The following MCTP2 variants were observed in gnomAD, a reference collection of about 807,000 sequenced individuals.
MCTP2 encodes the protein multiple C2 and transmembrane domain-containing protein 2.
MCTP2 carries 132 observed loss-of-function variants against 111.6 expected under a neutral mutation model. The ratio of observed to expected loss-of-function variants is 1.18; its 90% CI spans 1.03 to 1.37. The LOEUF (loss-of-function observed/expected upper bound fraction) is 1.37, where lower values mean the gene tolerates loss of function less well. Ranked by LOEUF, MCTP2 falls within the 40% of genes most tolerant of loss-of-function variation. The pLI is 0.00. For synonymous variants in MCTP2, 395 were observed against 387.7 expected, an observed-to-expected ratio of 1.02 and a Z score of -0.22; for missense variants, 1,183 against 1,067.9, an observed-to-expected ratio of 1.11 and a Z score of -1.50.
chr15:94,401,113 C>G (rs2081566542), intron 16 of MCTP2, among the ~76,000 whole-genome samples: 1 of 152,090 alleles, frequency 6.6e-6, no homozygotes, highest in Admixed American at 6.6e-5. Flanking sequence ...AAAACAAGAC[C>G]TCCACGTGGG....
intron 12 of MCTP2, among the ~76,000 whole-genome samples, chr15:94,380,767 CAAAAA>C (rs376038646): frequency 8.7e-6 from 1 of 114,886 alleles, no homozygotes; most frequent in South Asian, 3.0e-4. Context: ...GACTCCGTCT[CAAAAA>C]AAAAAAAGGG....
chr15:94,326,867 C>T (rs8038092), intron 4 of MCTP2, among the ~76,000 whole-genome samples: 36,588 of 142,318 alleles, frequency 0.26, 4,988 homozygotes, highest in Middle Eastern at 0.38. Context: ...CAGGCATTAG[C>T]CACCGTGCCT....
rs1311112731 is a variant in MCTP2, at chr15:94,372,157, T to C, written c.1582+1977T>C. Reference sequence around the variant, plus strand: ...AAGTACCAACAAATTCCAATAACGATAGCAGTAGTTAGAAATGAAATAATG... The same window carrying C: ...AAGTACCAACAAATTCCAATAACGACAGCAGTAGTTAGAAATGAAATAATG... On this transcript the variant is annotated intron_variant, in intron 12 of 22. Transcript: ENST00000357742. Among the ~76,000 whole-genome samples, 2 of 152,266 alleles carry C rather than the reference T, an allele frequency of 1.3e-5. 1 individual carries two copies.
chr15:94,347,643 T>C (rs1991896), intron 8 of MCTP2, among the ~76,000 whole-genome samples: 68,640 of 151,948 alleles, frequency 0.45, 15,702 homozygotes, highest in African/African-American at 0.51. Flanking sequence ...AGGGTTGAAT[T>C]CGACACCTAG....
intron 16 of MCTP2, among the ~76,000 whole-genome samples, chr15:94,400,462 G>T (rs532388402): frequency 1.3e-5 from 2 of 152,002 alleles, no homozygotes; most frequent in African/African-American, 4.8e-5. Flanking sequence ...CTACCACTTC[G>T]GCGTGGTCTA....
intron 1 of MCTP2, among the ~76,000 whole-genome samples, chr15:94,295,420 T>C (rs2075229178): frequency 6.6e-6 from 1 of 152,166 alleles, no homozygotes; most frequent in Admixed American, 6.5e-5. Context: ...TGGCTCCACC[T>C]AACTGTTTTA....
At chr15:94,235,977 A>G (rs2070511822) in intron 1 of MCTP2, among the ~76,000 whole-genome samples, 2 of 152,254 alleles carry the variant, frequency 1.3e-5, no homozygotes, top group African/African-American at 4.8e-5. Flanking sequence ...CAAACTAGGA[A>G]GGAAGAACTT....
At chr15:94,377,074 G>GT (rs972113954) in intron 12 of MCTP2, among the ~76,000 whole-genome samples, 24 of 152,104 alleles carry the variant, frequency 1.6e-4, no homozygotes, top group South Asian at 6.2e-4. Context: ...GTGACTACAA[G>GT]TTTTTTTATA....
At chr15:94,309,714 G>A (rs1009234138) in intron 2 of MCTP2, among the ~76,000 whole-genome samples, 16 of 152,182 alleles carry the variant, frequency 1.1e-4, no homozygotes, top group East Asian at 3.9e-4. Context: ...ATATCCTGCC[G>A]AATTTTAATA....
intron 12 of MCTP2, among the ~76,000 whole-genome samples, chr15:94,379,482 G>C (rs1186755702): frequency 6.6e-6 from 1 of 151,894 alleles, no homozygotes; most frequent in Non-Finnish European, 1.5e-5. Flanking sequence ...TCCATATTTA[G>C]TTTCAGGAAT....
At chr15:94,368,728 A>C (rs933063073) in intron 11 of MCTP2, among the ~76,000 whole-genome samples, 2 of 152,242 alleles carry the variant, frequency 1.3e-5, no homozygotes, top group Non-Finnish European at 2.9e-5. Context: ...TGATTAGGTA[A>C]GCAAATGAAA....
intron 1 of MCTP2, among the ~76,000 whole-genome samples, chr15:94,258,034 A>ATT (rs60905293): frequency 0.36 from 35,084 of 98,512 alleles, 7,038 homozygotes; most frequent in Middle Eastern, 0.45. Flanking sequence ...CCACCATGTC[A>ATT]TTTTTTTTTT....
At chr15:94,329,673 C>T (rs1050220691) in intron 4 of MCTP2, among the ~76,000 whole-genome samples, 2 of 152,090 alleles carry the variant, frequency 1.3e-5, no homozygotes, top group African/African-American at 4.8e-5. Context: ...CCACCGGGCC[C>T]CACCTCCAAC....
intron 14 of MCTP2, 93 bp downstream of exon 14, chr15:94,385,618 G>A: frequency 1.2e-6 from 1 of 855,844 alleles, no homozygotes; most frequent in South Asian, 1.4e-5. Flanking sequence ...TCAACCTGGG[G>A]GAAAAAAATC....
intron 10 of MCTP2, 99 bp from the exon 11 acceptor site, chr15:94,367,506 T>G: frequency 1.1e-6 from 1 of 927,496 alleles, no homozygotes; most frequent in Non-Finnish European, 1.6e-6. Context: ...ACAGAGTGAG[T>G]TTTGGGGGAT....
At position 94,356,213 on chromosome 15, in the gene MCTP2, CTT is replaced by C; in HGVS notation, c.1084_1085del (p.Leu362ValfsTer26). On this transcript the variant is annotated frameshift_variant, in exon 9 of 23. Transcript: ENST00000357742. LOFTEE classifies it high-confidence loss of function. ...CTCTGGAACGGGATTATAAGTATAA[CTT>C]TGTTGGAAGGGAAGAATGTCTCAGG... 1 of 1,613,388 alleles carries C rather than the reference CTT, an allele frequency of 6.2e-7. No homozygotes were observed. Among genetic ancestry groups the C allele is most frequent in the Non-Finnish European group, 8.5e-7 (1 of 1,179,636 alleles).
intron 1 of MCTP2, among the ~76,000 whole-genome samples, chr15:94,277,937 A>G (rs1273274247): frequency 6.6e-6 from 1 of 152,102 alleles, no homozygotes; most frequent in African/African-American, 2.4e-5. Context: ...AAAAGGATGG[A>G]CAGAGGTAGT....
chr15:94,243,071 A>G (rs2071155461), intron 1 of MCTP2, among the ~76,000 whole-genome samples: 1 of 79,944 alleles, frequency 1.3e-5, no homozygotes, highest in Non-Finnish European at 2.7e-5. Flanking sequence ...ACACGTGTAT[A>G]TGTGTATCTA....
intron 7 of MCTP2, 34 bp from the exon 8 acceptor site, chr15:94,345,095 C>A: frequency 6.2e-7 from 1 of 1,610,164 alleles, no homozygotes; most frequent in Non-Finnish European, 8.5e-7. Flanking sequence ...TTTTATTTTG[C>A]CATTTTCACC....
Sources: gnomAD v4.1 joint callset for allele counts (sites outside exome capture counted in the v4.1 genomes callset) on GRCh38, gnomAD v4.1.1 for gene constraint, MANE v1.5 for transcripts, NCBI Gene and HGNC (gene_info 2026-07-23, HGNC 2026-07-21) for gene names.